The following MEF2C variants were observed in gnomAD, a reference collection of about 807,000 sequenced individuals.
MEF2C encodes the protein myocyte-specific enhancer factor 2C.
A neutral mutation model predicts 50.5 loss-of-function variants in MEF2C; 6 were observed. The ratio of observed to expected loss-of-function variants is 0.12; its 90% CI spans 0.07 to 0.23. MEF2C has a LOEUF of 0.23. MEF2C is among the 10% of genes least tolerant of loss of function. MEF2C has a pLI of 1.00. For missense variants in MEF2C, 276 were observed against 605.0 expected, an observed-to-expected ratio of 0.46 and a Z score of 5.70; for synonymous variants, 183 against 228.0, an observed-to-expected ratio of 0.80 and a Z score of 1.78.
intron 3 of MEF2C, among the ~76,000 whole-genome samples, chr5:88,800,369 C>T (rs1441569957): frequency 5.9e-5 from 9 of 152,162 alleles, no homozygotes; most frequent in Admixed American, 5.2e-4. Context: ...GTTCCTTTGC[C>T]GTCCAATTGT....
intron 3 of MEF2C, among the ~76,000 whole-genome samples, chr5:88,799,870 T>TCTCATACACACACA (rs1797587118): frequency 9.3e-6 from 1 of 107,416 alleles, no homozygotes; most frequent in African/African-American, 3.2e-5. Context: ...TCTCTCTCTC[T>TCTCATACACACACA]CACACACACA....
chr5:88,838,766 C>T (rs1816154439), intron 1 of MEF2C: 2 of 975,790 alleles, frequency 2.0e-6, no homozygotes, highest in Non-Finnish European at 2.4e-6. Context: ...CTTTCTTCTC[C>T]TTATCTCCTC....
chr5:88,856,390 C>T (rs977031622), intron 1 of MEF2C, among the ~76,000 whole-genome samples: 1 of 152,162 alleles, frequency 6.6e-6, no homozygotes, highest in African/African-American at 2.4e-5. Context: ...TGCAGTCTGA[C>T]AATGAGATGG....
chr5:88,780,892 T>C, intron 3 of MEF2C: 2 of 985,330 alleles, frequency 2.0e-6, no homozygotes, highest in Non-Finnish European at 2.4e-6. Flanking sequence ...TCTCATTGTC[T>C]AACTCCTCTT....
intron 3 of MEF2C, among the ~76,000 whole-genome samples, chr5:88,803,810 A>C (rs1243751937): frequency 6.6e-6 from 1 of 152,142 alleles, no homozygotes; most frequent in Non-Finnish European, 1.5e-5. Flanking sequence ...AAATAAAATA[A>C]AATAAAATAA....
intron 1 of MEF2C, among the ~76,000 whole-genome samples, chr5:88,862,723 C>T (rs1390267596): frequency 2.0e-5 from 3 of 152,146 alleles, no homozygotes; most frequent in Admixed American, 6.5e-5. Flanking sequence ...GGGGAGGACC[C>T]GGATCAGGCC....
At chr5:88,878,700 T>C (rs950988621) in intron 1 of MEF2C, among the ~76,000 whole-genome samples, 8 of 152,038 alleles carry the variant, frequency 5.3e-5, no homozygotes, top group African/African-American at 1.9e-4. Context: ...ATAGTCTTTC[T>C]TTATTCCACT....
At chr5:88,830,027 C>A (rs1179019916) in intron 1 of MEF2C, among the ~76,000 whole-genome samples, 1 of 151,982 alleles carries the variant, frequency 6.6e-6, no homozygotes, top group Non-Finnish European at 1.5e-5. Context: ...GTAGTCCTTA[C>A]ATTTACCATG....
chr5:88,859,403 T>C (rs912026444), intron 1 of MEF2C, among the ~76,000 whole-genome samples: 2 of 152,232 alleles, frequency 1.3e-5, no homozygotes, highest in African/African-American at 4.8e-5. Context: ...TTGTGAAGTA[T>C]TTCCAGAATC....
chr5:88,790,347 T>G (rs958666192), intron 3 of MEF2C, among the ~76,000 whole-genome samples: 6 of 152,292 alleles, frequency 3.9e-5, no homozygotes, highest in Non-Finnish European at 7.4e-5. Context: ...TCTAGATCCT[T>G]TCTACTCCAG....
chr5:88,755,892 C>T (rs1775071285), intron 4 of MEF2C, among the ~76,000 whole-genome samples: 1 of 152,200 alleles, frequency 6.6e-6, no homozygotes, highest in Admixed American at 6.5e-5. Context: ...ACCATCCAAA[C>T]AAGCAGGTCA....
intron 3 of MEF2C, among the ~76,000 whole-genome samples, chr5:88,804,211 G>C (rs1012762102): frequency 6.6e-6 from 1 of 152,134 alleles, no homozygotes; most frequent in South Asian, 2.1e-4. Flanking sequence ...ATGATGCCGG[G>C]AAACTATTAT....
chr5:88,853,673 T>C (rs1322363863), intron 1 of MEF2C, among the ~76,000 whole-genome samples: 1 of 152,222 alleles, frequency 6.6e-6, no homozygotes, highest in Non-Finnish European at 1.5e-5. Flanking sequence ...ATGGAAAATA[T>C]AAAGGCATGA....
At chr5:88,737,220 T>G in intron 6 of MEF2C, 6 of 985,168 alleles carry the variant, frequency 6.1e-6, no homozygotes, top group Non-Finnish European at 7.2e-6. Flanking sequence ...TTGAGAAAAT[T>G]TTATATTTTA....
At chr5:88,742,118 G>A (rs765770253) in intron 6 of MEF2C, 28 of 985,226 alleles carry the variant, frequency 2.8e-5, no homozygotes, top group Non-Finnish European at 3.3e-5. Flanking sequence ...TTGAAGCACC[G>A]AGTGAGAAAG....
intron 2 of MEF2C, among the ~76,000 whole-genome samples, chr5:88,809,497 T>C (rs1055938623): frequency 1.8e-4 from 27 of 152,188 alleles, no homozygotes; most frequent in Non-Finnish European, 3.4e-4. Flanking sequence ...TATCAGTTCC[T>C]TGTGGCTGGA....
In MEF2C at chr5:88,743,383, A is replaced by G. The variant is rs562137943; in HGVS notation, c.637+5687T>C. 3.8e-4 allele frequency: 379 copies of G among 985,400 alleles called. 2 individuals are homozygous for G. The Middle Eastern group carries it at 9.4e-3, about 24-fold the overall frequency. The allele number at this position is 985,400 out of a possible 1,614,324, so 61.0% of individuals were successfully genotyped here. A position where few individuals can be genotyped will look rare whatever the true frequency, so the allele number is the denominator to read the frequency against. On this transcript the variant is annotated intron_variant, in intron 6 of 10. Transcript: ENST00000504921. ...CTGGCCAATAAGAAAGTCAGCCAAG[A>G]AATTTTTGATAAGTATTCTTGAAAA... is the stretch of plus-strand genomic sequence containing the variant.
At chr5:88,903,082 TGTG>T (rs962301378) in intron 1 of MEF2C, among the ~76,000 whole-genome samples, 2 of 152,036 alleles carry the variant, frequency 1.3e-5, no homozygotes, top group African/African-American at 4.8e-5. Context: ...TGTCCTAACA[TGTG>T]GTCTCATTTT....
At chr5:88,870,103 AT>A (rs1829049201) in intron 1 of MEF2C, among the ~76,000 whole-genome samples, 1 of 151,942 alleles carries the variant, frequency 6.6e-6, no homozygotes, top group Non-Finnish European at 1.5e-5. Context: ...TATGCAGTAA[AT>A]TTCATAATTG....
Sources: gnomAD v4.1 joint callset for allele counts (sites outside exome capture counted in the v4.1 genomes callset) on GRCh38, gnomAD v4.1.1 for gene constraint, MANE v1.5 for transcripts, NCBI Gene and HGNC (gene_info 2026-07-23, HGNC 2026-07-21) for gene names.